The following AP2B1 variants were observed in gnomAD, a reference collection of about 807,000 sequenced individuals.
AP2B1 encodes adaptor related protein complex 2 subunit beta 1, also known as AP-2 complex subunit beta.
A neutral mutation model predicts 102.0 loss-of-function variants in AP2B1; 23 were observed. The observed-to-expected ratio is 0.23, with a 90% CI of 0.16 to 0.32. The LOEUF (loss-of-function observed/expected upper bound fraction) is 0.32. Among genes scored for constraint, AP2B1 ranks in the 10% least tolerant of loss-of-function variants. The probability of loss-of-function intolerance (pLI) is 1.00; values close to 1 mark genes in which losing one functional copy is unlikely to be tolerated. For synonymous variants in AP2B1, 381 were observed against 421.2 expected (o/e 0.90, Z 1.17); for missense variants, 541 against 1,157.4 (o/e 0.47, Z 7.73).
At chr17:35,639,530 G>T in intron 10 of AP2B1, 65 bp from the exon 11 acceptor site, 11 of 1,480,222 alleles carry the variant, frequency 7.4e-6, no homozygotes, top group Non-Finnish European at 9.1e-6. Flanking sequence ...TTTGCCTTTA[G>T]CCTTCACTGT....
intron 1 of AP2B1, 37 bp from the exon 2 acceptor site, chr17:35,593,971 A>G (rs947478826): frequency 3.2e-6 from 4 of 1,232,336 alleles, no homozygotes; most frequent in Middle Eastern, 1.9e-4. Context: ...TTGGATATCT[A>G]TAACCTGAAT....
At chr17:35,591,564 G>C (rs2073102247) in intron 1 of AP2B1, among the ~76,000 whole-genome samples, 1 of 152,156 alleles carries the variant, frequency 6.6e-6, no homozygotes, top group Non-Finnish European at 1.5e-5. Flanking sequence ...TCTTAAACAA[G>C]TTTTAAAGGA....
At chr17:35,706,697 A>G (rs1207575544) in intron 18 of AP2B1, among the ~76,000 whole-genome samples, 2 of 151,814 alleles carry the variant, frequency 1.3e-5, no homozygotes, top group African/African-American at 2.4e-5. Context: ...CCAGAGTGCA[A>G]TGGCACAATC....
intron 18 of AP2B1, among the ~76,000 whole-genome samples, chr17:35,692,007 A>G (rs970058332): frequency 1.3e-5 from 2 of 152,220 alleles, no homozygotes; most frequent in African/African-American, 2.4e-5. Flanking sequence ...AGAGTCTACT[A>G]AGCAGTATCT....
At chr17:35,648,773 T>TGTGTGA (rs1286612668) in intron 12 of AP2B1, among the ~76,000 whole-genome samples, 3 of 148,948 alleles carry the variant, frequency 2.0e-5, no homozygotes, top group South Asian at 2.1e-4. Flanking sequence ...TGTGTGTGTG[T>TGTGTGA]GACCCATCTG....
chr17:35,649,247 G>A (rs1011578725), intron 12 of AP2B1, among the ~76,000 whole-genome samples: 6 of 152,064 alleles, frequency 3.9e-5, no homozygotes, highest in Admixed American at 1.3e-4. Context: ...TAATAAGCCT[G>A]CTAATATTTA....
chr17:35,620,520 A>G (rs2074144982), intron 5 of AP2B1, among the ~76,000 whole-genome samples: 1 of 151,896 alleles, frequency 6.6e-6, no homozygotes, highest in Non-Finnish European at 1.5e-5. Flanking sequence ...TTTCTCTAGA[A>G]ACCCCCCTTT....
intron 14 of AP2B1, among the ~76,000 whole-genome samples, chr17:35,666,160 A>G (rs536917773): frequency 6.6e-6 from 1 of 152,280 alleles, no homozygotes; most frequent in African/African-American, 2.4e-5. Context: ...TTTTGGCTCT[A>G]CCTGGCTCTA....
intron 18 of AP2B1, among the ~76,000 whole-genome samples, chr17:35,706,831 T>G (rs2076349867): frequency 6.6e-6 from 1 of 151,958 alleles, no homozygotes; most frequent in South Asian, 2.1e-4. Flanking sequence ...TTTTGTATTT[T>G]TAGTAGAGAT....
intron 4 of AP2B1, among the ~76,000 whole-genome samples, chr17:35,607,279 A>G (rs1391971797): frequency 6.6e-6 from 1 of 152,198 alleles, no homozygotes; most frequent in African/African-American, 2.4e-5. Flanking sequence ...CAGCATTTCT[A>G]AAATTAGCTT....
chr17:35,683,860 A>C (rs587610511), intron 18 of AP2B1, among the ~76,000 whole-genome samples: 1 of 152,374 alleles, frequency 6.6e-6, no homozygotes, highest in East Asian at 1.9e-4. Flanking sequence ...GCTCCCTCAA[A>C]GAAAGGAGAA....
chr17:35,683,931 GTAT>G (rs2075877256), intron 18 of AP2B1, among the ~76,000 whole-genome samples: 1 of 152,186 alleles, frequency 6.6e-6, no homozygotes, highest in Non-Finnish European at 1.5e-5. Context: ...AGGGTTCTGG[GTAT>G]AGCCCCTTGT....
At chr17:35,637,882 A>G (rs1329443968) in intron 10 of AP2B1, among the ~76,000 whole-genome samples, 1 of 151,784 alleles carries the variant, frequency 6.6e-6, no homozygotes, top group African/African-American at 2.4e-5. Flanking sequence ...ACAGGGTTTC[A>G]CTGTATTGGC....
intron 18 of AP2B1, among the ~76,000 whole-genome samples, chr17:35,690,360 G>A (rs147174113): frequency 1.6e-3 from 248 of 152,262 alleles, no homozygotes; most frequent in African/African-American, 5.7e-3. Flanking sequence ...CTCTGTCTAC[G>A]ATAGAAAGGC....
intron 9 of AP2B1, among the ~76,000 whole-genome samples, chr17:35,635,995 G>GT (rs1321725880): frequency 2.1e-4 from 17 of 82,284 alleles, no homozygotes; most frequent in Admixed American, 1.6e-3. Flanking sequence ...AGCCTTGGTA[G>GT]TATTTTTTTT....
At chr17:35,610,002 C>G (rs189981576) in intron 5 of AP2B1, among the ~76,000 whole-genome samples, 2 of 152,232 alleles carry the variant, frequency 1.3e-5, no homozygotes, top group East Asian at 3.9e-4. Context: ...ATCTTTCAAC[C>G]TAGGCATAAG....
Position 35,600,493 on chromosome 17 carries a change from G to A in AP2B1, c.143+2158G>A, listed in dbSNP as rs970148817. 4.0e-5 allele frequency among the ~76,000 whole-genome samples: 6 copies of A among 151,674 alleles called. No individual in the cohort carries two copies. The East Asian group carries it at 5.8e-4, about 15-fold the overall frequency. ...CTATTAAAATATTATTTCCTTTTCC[G>A]AGTTATATACGTGTATGAAGCTGGA... is the stretch of plus-strand genomic sequence containing the variant. On this transcript the variant is annotated intron_variant, in intron 3 of 21. Transcript: ENST00000610402.
rs1057320610 is a variant in AP2B1, at chr17:35,643,702, C to G, written c.1536+1727C>G. Among the ~76,000 whole-genome samples, 3 of 152,172 alleles carry G rather than the reference C, an allele frequency of 2.0e-5. 1 individual carries two copies. Among genetic ancestry groups the G allele is most frequent in the African/African-American group, 7.2e-5 (3 of 41,448 alleles). On this transcript the variant is annotated intron_variant, in intron 12 of 21. Transcript: ENST00000610402. ...TTGTTTTTGACCCCTAATAAAATTGCTTTTACTAAATTACGCTGATACTAA... is the reference window on the plus strand; with the variant it reads ...TTGTTTTTGACCCCTAATAAAATTGGTTTTACTAAATTACGCTGATACTAA...
At chr17:35,679,539 C>T (rs1239554587) in intron 17 of AP2B1, among the ~76,000 whole-genome samples, 1 of 152,068 alleles carries the variant, frequency 6.6e-6, no homozygotes, top group Non-Finnish European at 1.5e-5. Flanking sequence ...CTTGTGCCTG[C>T]CTACTGTATC....
Sources: allele counts gnomAD v4.1 joint callset (sites outside exome capture counted in the v4.1 genomes callset), GRCh38; gene constraint gnomAD v4.1.1; transcripts MANE v1.5; gene names NCBI Gene and HGNC (gene_info 2026-07-23, HGNC 2026-07-21).